CRX: variants seen among roughly 807,000 people sequenced by gnomAD.
CRX encodes cone-rod homeobox protein.
A neutral mutation model predicts 13.1 loss-of-function variants in CRX; 5 were observed. That is an observed-to-expected ratio of 0.38 (90% confidence interval 0.20 to 0.80). CRX has a LOEUF of 0.80. Ranked by LOEUF, CRX falls within the 30% of genes least tolerant of loss-of-function variation. CRX has a pLI of 0.43. For synonymous variants in CRX, 179 were observed against 171.1 expected, an observed-to-expected ratio of 1.05 and a Z score of -0.36; for missense variants, 351 against 391.8, an observed-to-expected ratio of 0.90 and a Z score of 0.88.
At chr19:47,832,151 G>C (rs1174371947) in intron 1 of CRX, among the ~76,000 whole-genome samples, 1 of 124,476 alleles carries the variant, frequency 8.0e-6, no homozygotes, top group Non-Finnish European at 1.6e-5. Flanking sequence ...TGTCGCCCAA[G>C]CTGGAGTGCA....
Position 47,839,552 on chromosome 19 carries a change from T to C in CRX, c.485T>C (p.Ile162Thr), listed in dbSNP as rs745628043. 3.7e-6 allele frequency: 6 copies of C among 1,612,934 alleles called. No homozygotes were observed. In the African/African-American group the frequency reaches 6.7e-5, roughly 18 times the overall value. ...SPTTAVATVS[I>T]WSPASESPLP... Reference sequence around the variant, plus strand: ...ACCACGGCAGTGGCCACTGTGTCCATCTGGAGCCCAGCCTCAGAGTCCCCT... The same window carrying C: ...ACCACGGCAGTGGCCACTGTGTCCACCTGGAGCCCAGCCTCAGAGTCCCCT... Residue 162 changes from isoleucine to threonine, a missense_variant, in exon 4 of 4, where the codon ATC (isoleucine) becomes ACC (threonine). Around this residue, in one of 3 missense-constraint regions of CRX, gnomAD observed 253 missense variants for 268.3 expected, o/e 0.94. Transcript: ENST00000221996. The surrounding 1 kb of genome is among the most constrained non-coding windows in gnomAD (Gnocchi z 4.6).
intron 3 of CRX, among the ~76,000 whole-genome samples, 181 bp downstream of exon 3, chr19:47,836,575 T>C (rs1029000216): frequency 6.6e-6 from 1 of 152,196 alleles, no homozygotes; most frequent in Admixed American, 6.5e-5. Context: ...TGCCCCTCGC[T>C]CCTCTCCAGC....
rs1423074041 is a variant in CRX, at chr19:47,842,280, G to C, written c.*2313G>C. The C allele has an allele frequency of 6.6e-6, 1 of 152,292 alleles. No homozygotes were observed. Among genetic ancestry groups the C allele is most frequent in the African/African-American group, 2.4e-5 (1 of 41,442 alleles). The allele number at this position is 152,292 out of a possible 1,614,324, so 9.4% of individuals were successfully genotyped here. ...TAGGCCTGAGTCATGCTGGGTTCTG[G>C]GACATTAAGCCCAGGAGTGGGCCGG... On this transcript the variant is annotated 3_prime_UTR_variant, in exon 4 of 4. Coordinates refer to ENST00000221996, the MANE Select transcript of CRX (RefSeq NM_000554.6).
At chr19:47,829,482 C>T (rs1968017525) in intron 1 of CRX, among the ~76,000 whole-genome samples, 1 of 152,098 alleles carries the variant, frequency 6.6e-6, no homozygotes, top group Admixed American at 6.6e-5. Context: ...CAGGCGCCCA[C>T]CACCACGCCT....
chr19:47,826,277 A>C (rs1481021890), intron 1 of CRX, among the ~76,000 whole-genome samples: 2 of 152,068 alleles, frequency 1.3e-5, no homozygotes, highest in Admixed American at 1.3e-4. Context: ...ATCCCGGGTA[A>C]GTCACACTTT....
At position 47,842,904 on chromosome 19, in the gene CRX, T is replaced by G. The variant is rs7248427; in HGVS notation, c.*2937T>G. 4 of 151,982 alleles carry G rather than the reference T, an allele frequency of 2.6e-5. No individual in the cohort carries two copies. The highest frequency in any genetic ancestry group is 9.7e-5 in the African/African-American group (4 of 41,282). The allele number at this position is 151,982 out of a possible 1,614,324, so 9.4% of individuals were successfully genotyped here. On this transcript the variant is annotated 3_prime_UTR_variant, in exon 4 of 4. Transcript: ENST00000221996. ...CAAGTCATAGAAACTTGATGGGAGT[T>G]GGGGAGGGACTGAAGGATGCATGCA... is the stretch of plus-strand genomic sequence containing the variant.
Position 47,840,066 on chromosome 19 carries a change from A to G in CRX, c.*99A>G. ...GATCCCGGGATGGCATTCCTGAGAA[A>G]GCAACCCGAACCAGCTGTCCTTCTG... On this transcript the variant is annotated 3_prime_UTR_variant, in exon 4 of 4. Transcript: ENST00000221996. The G allele has an allele frequency of 7.0e-7, 1 of 1,434,790 alleles. No individual in the cohort carries two copies. Among genetic ancestry groups the G allele is most frequent in the African/African-American group, 1.4e-5 (1 of 71,488 alleles). The allele number at this position is 1,434,790 out of a possible 1,614,324, so 88.9% of individuals were successfully genotyped here.
At position 47,840,049 on chromosome 19, in the gene CRX, G is replaced by A; in HGVS notation, c.*82G>A. On this transcript the variant is annotated 3_prime_UTR_variant, in exon 4 of 4. Coordinates refer to ENST00000221996, the MANE Select transcript of CRX (RefSeq NM_000554.6). ...TGCTTCCCTGCAGTTTAGATCCCGG[G>A]ATGGCATTCCTGAGAAAGCAACCCG... is the stretch of plus-strand genomic sequence containing the variant. 6.4e-7 allele frequency: 1 copy of A among 1,559,690 alleles called. No individual in the cohort carries two copies. The highest frequency in any genetic ancestry group is 2.3e-5 in the East Asian group (1 of 44,394).
intron 2 of CRX, among the ~76,000 whole-genome samples, chr19:47,834,974 T>A (rs1452970543): frequency 4.0e-5 from 6 of 150,880 alleles, no homozygotes; most frequent in Non-Finnish European, 8.9e-5. Flanking sequence ...CCATTGTGCC[T>A]AGGCCCGGGG....
chr19:47,830,793 T>TA (rs36112007), intron 1 of CRX, among the ~76,000 whole-genome samples: 70,967 of 137,748 alleles, frequency 0.52, 18,001 homozygotes, highest in Middle Eastern at 0.64. Flanking sequence ...AAGACTCCAT[T>TA]AAAAAAAAAA....
intron 1 of CRX, among the ~76,000 whole-genome samples, chr19:47,828,527 T>C (rs1599972875): frequency 6.6e-6 from 1 of 151,864 alleles, no homozygotes; most frequent in Non-Finnish European, 1.5e-5. Context: ...AGGTAACTGA[T>C]AGAATTTGAG....
intron 1 of CRX, among the ~76,000 whole-genome samples, chr19:47,826,314 TA>T (rs146640075): frequency 0.083 from 12,646 of 152,166 alleles, 590 homozygotes; most frequent in African/African-American, 0.13. Flanking sequence ...CTCTAAACTG[TA>T]AGCATCAGGC....
At chr19:47,838,245 T>C (rs948328722) in intron 3 of CRX, among the ~76,000 whole-genome samples, 1 of 144,014 alleles carries the variant, frequency 6.9e-6, no homozygotes, top group African/African-American at 2.5e-5. Context: ...GCATGTATAA[T>C]TGTATGTATG....
At position 47,840,348 on chromosome 19, in the gene CRX, G is replaced by T; in HGVS notation, c.*381G>T. On this transcript the variant is annotated 3_prime_UTR_variant, in exon 4 of 4. Coordinates refer to ENST00000221996, the MANE Select transcript of CRX (RefSeq NM_000554.6). ...TCAGAATCACCGTGCCCTTGAACAA[G>T]CAGGTAGGGGGGCTTGATAACTTAA... 1 of 244,158 alleles carries T rather than the reference G, an allele frequency of 4.1e-6. No individual in the cohort carries two copies. The highest frequency in any genetic ancestry group is 8.1e-6 in the Non-Finnish European group (1 of 123,560). The allele number at this position is 244,158 out of a possible 1,614,324, so 15.1% of individuals were successfully genotyped here.
In CRX at chr19:47,839,497, C is replaced by A; in HGVS notation, c.430C>A (p.Pro144Thr). Residue 144 changes from proline (P) to threonine (T), a missense_variant, in exon 4 of 4, where the codon CCC (proline) becomes ACC (threonine). By Grantham distance (38) the Pro-to-Thr change is conservative. This residue lies in a region of CRX where 253 missense variants were observed against 268.3 expected (regional missense o/e 0.94). Coordinates refer to ENST00000221996, the MANE Select transcript of CRX (RefSeq NM_000554.6). This position sits in a 1 kb window ranked among gnomAD's most constrained non-coding sequence, Gnocchi z 4.6. ...DPLGISDSYS[P>T]PLPGPSGSPT... is the part of the protein sequence containing the mutation. Reference sequence around the variant, plus strand: ...TCTGGGCATCTCAGATTCCTACAGTCCCCCTCTGCCCGGCCCCTCAGGCTC... The same window carrying A: ...TCTGGGCATCTCAGATTCCTACAGTACCCCTCTGCCCGGCCCCTCAGGCTC... The A allele has an allele frequency of 6.2e-7, 1 of 1,613,952 alleles. No homozygotes were observed. Among genetic ancestry groups the A allele is most frequent in the East Asian group, 2.2e-5 (1 of 44,870 alleles).
At chr19:47,838,581 A>T (rs1188683477) in intron 3 of CRX, among the ~76,000 whole-genome samples, 1 of 152,128 alleles carries the variant, frequency 6.6e-6, no homozygotes. Context: ...GTACACTTGC[A>T]TGTATGATCA....
In CRX at chr19:47,839,648, C is replaced by T. The variant is rs774657041; in HGVS notation, c.581C>T (p.Thr194Ile). 3 of 1,613,378 alleles carry T rather than the reference C, an allele frequency of 1.9e-6. No homozygotes were observed. The highest frequency in any genetic ancestry group is 2.5e-6 in the Non-Finnish European group (3 of 1,179,956). Residue 194 changes from threonine (T) to isoleucine (I), a missense_variant, in exon 4 of 4, where the codon ACC becomes ATC. Thr to Ile is a moderately conservative substitution (Grantham distance 89). Coordinates refer to ENST00000221996, the MANE Select transcript of CRX (RefSeq NM_000554.6). This position sits in a 1 kb window ranked among gnomAD's most constrained non-coding sequence, Gnocchi z 4.6. Reference sequence around the variant, plus strand: ...CTGACCTCCGCCCCCTATGCCATGACCTACGCCCCGGCCTCCGCTTTCTGC... The same window carrying T: ...CTGACCTCCGCCCCCTATGCCATGATCTACGCCCCGGCCTCCGCTTTCTGC... ...PSLTSAPYAMTYAPASAFCSS... is the reference protein window; with the variant it reads ...PSLTSAPYAMIYAPASAFCSS...
intron 2 of CRX, 109 bp from the exon 3 acceptor site, chr19:47,836,134 T>C (rs1472971162): frequency 2.1e-6 from 3 of 1,401,158 alleles, no homozygotes; most frequent in Non-Finnish European, 3.0e-6. Context: ...CCATCCTTAG[T>C]TTAGGCAGAT....
intron 1 of CRX, among the ~76,000 whole-genome samples, chr19:47,823,825 T>C (rs1183169960): frequency 6.6e-6 from 1 of 152,032 alleles, no homozygotes; most frequent in Non-Finnish European, 1.5e-5. Context: ...TATTTTTGTA[T>C]TTTTAGTAGA....
Sources: allele counts gnomAD v4.1 joint callset (sites outside exome capture counted in the v4.1 genomes callset), GRCh38; gene constraint gnomAD v4.1.1; regional missense constraint gnomAD v4.1.1; non-coding constraint Gnocchi (gnomAD v3.1); transcripts MANE v1.5; gene names NCBI Gene and HGNC (gene_info 2026-07-23, HGNC 2026-07-21).